The following MAPK8IP3 variants were observed in gnomAD, a reference collection of about 807,000 sequenced individuals.
MAPK8IP3 encodes the protein mitogen-activated protein kinase 8 interacting protein 3.
In MAPK8IP3, 49 loss-of-function variants were observed where a neutral mutation model predicts 157.8. That is an observed-to-expected ratio of 0.31 (90% CI 0.25 to 0.39). The LOEUF (loss-of-function observed/expected upper bound fraction) is 0.39, where lower values mean the gene tolerates loss of function less well. Among genes scored for constraint, MAPK8IP3 ranks in the 10% least tolerant of loss-of-function variants. The pLI is 1.00. For synonymous variants in MAPK8IP3, 897 were observed against 777.7 expected (o/e 1.15, Z -2.55); for missense variants, 1,478 against 1,889.4 (o/e 0.78, Z 4.04).
In MAPK8IP3 at chr16:1,766,378, C is replaced by T. The variant is rs1335514037; in HGVS notation, c.2788C>T (p.Pro930Ser). Residue 930 changes from proline (P) to serine (S), a missense_variant, in exon 22 of 32, where the codon CCG becomes TCG. Pro to Ser is a moderately conservative substitution (Grantham distance 74). This residue lies in a region of MAPK8IP3 where 669 missense variants were observed against 759.8 expected (regional missense o/e 0.88). Transcript: ENST00000610761. ...AGAGCACGTCTTCACTGACCCAGCC[C>T]CGACCCCGTCCTCTGGCCCCCAGCC... The part of the protein sequence containing the change: ...LTEHVFTDPA[P>S]TPSSGPQPGS... 2 of 1,611,662 alleles carry T rather than the reference C, an allele frequency of 1.2e-6. No homozygotes were observed. Among genetic ancestry groups the T allele is most frequent in the African/African-American group, 1.3e-5 (1 of 74,938 alleles).
chr16:1,734,113 C>T (rs1336329028), intron 4 of MAPK8IP3, among the ~76,000 whole-genome samples: 1 of 152,238 alleles, frequency 6.6e-6, no homozygotes, highest in African/African-American at 2.4e-5. Context: ...CCAGAAGGCA[C>T]CCTGCAGTGG....
At chr16:1,762,289 A>G (rs1448466687) in intron 13 of MAPK8IP3, 62 bp from the exon 14 acceptor site, 2 of 1,507,158 alleles carry the variant, frequency 1.3e-6, no homozygotes, top group African/African-American at 2.8e-5. Flanking sequence ...GCACCCCAGG[A>G]GGAAGCAGGT....
intron 5 of MAPK8IP3, chr16:1,745,289 C>T: frequency 1.7e-6 from 1 of 581,576 alleles, no homozygotes; most frequent in South Asian, 7.5e-5. Flanking sequence ...CAGCTACACC[C>T]TGCCTGGCCA....
chr16:1,735,164 CTG>C (rs56183524), intron 4 of MAPK8IP3: 12,712 of 152,446 alleles, frequency 0.083, 564 homozygotes, highest in African/African-American at 0.1. Flanking sequence ...TGTGTGGCTT[CTG>C]TCTCATCGGG....
intron 5 of MAPK8IP3, chr16:1,745,253 G>A: frequency 1.1e-6 from 1 of 888,048 alleles, no homozygotes; most frequent in Non-Finnish European, 1.3e-6. Flanking sequence ...GAGGAAGGTG[G>A]CCCAGAAGCG....
chr16:1,756,554 G>A (rs920232191), intron 8 of MAPK8IP3, among the ~76,000 whole-genome samples: 3 of 149,678 alleles, frequency 2.0e-5, no homozygotes, highest in Non-Finnish European at 3.0e-5. Context: ...AGGCCAAGGT[G>A]GGCAGATTGC....
rs555012156 is a variant in MAPK8IP3, at chr16:1,743,411, G to T, written c.682G>T (p.Val228Leu). The T allele has an allele frequency of 2.5e-6, 4 of 1,609,582 alleles. No homozygotes were observed. The highest frequency in any genetic ancestry group is 3.4e-6 in the Non-Finnish European group (4 of 1,178,424). The change falls in exon 5 of 32, where the codon GTG becomes TTG. Residue 228 changes from valine to leucine, a missense_variant. Coordinates refer to ENST00000610761, the MANE Select transcript of MAPK8IP3 (RefSeq NM_001318852.2). The surrounding 1 kb of genome is among the most constrained non-coding windows in gnomAD (Gnocchi z 5.6). ...ACGTGCACAGATCGGGGGCAAGCTC[G>T]TGCCTGCGGGGGACCACTGGCACCT... is the stretch of plus-strand genomic sequence containing the variant. ...TVRAQIGGKL[V>L]PAGDHWHLSD...
intron 1 of MAPK8IP3, among the ~76,000 whole-genome samples, chr16:1,716,317 T>C (rs2038148359): frequency 6.6e-6 from 1 of 151,128 alleles, no homozygotes. Context: ...TTTCTTTTTT[T>C]TTTTTTTTTT....
Position 1,714,322 on chromosome 16 carries a change from A to G in MAPK8IP3, c.318+7665A>G, listed in dbSNP as rs563072170. The G allele has an allele frequency of 2.1e-5, 3 of 146,266 alleles. No homozygotes were observed. The East Asian group carries it at 5.8e-4, about 28-fold the overall frequency. 9.1% of individuals were successfully genotyped at this position (146,266 alleles called of 1,614,324 possible). On this transcript the variant is annotated intron_variant, in intron 1 of 31. Transcript: ENST00000610761. The stretch of plus-strand genomic sequence containing the variant: ...AGGCTGGCAGTGAAACCCAGAGACT[A>G]GAATCCGCTTATGAGGGGGGTGCGT...
At chr16:1,752,364 CGAGCT>C (rs919737653) in intron 8 of MAPK8IP3, 4 of 247,306 alleles carry the variant, frequency 1.6e-5, no homozygotes, top group African/African-American at 9.4e-5. Context: ...TGGGCATCGC[CGAGCT>C]CAGGCTGGCA....
At chr16:1,740,275 TGTGA>T in intron 4 of MAPK8IP3, among the ~76,000 whole-genome samples, 1 of 146,364 alleles carries the variant, frequency 6.8e-6, no homozygotes, top group Non-Finnish European at 1.5e-5. Flanking sequence ...TGACCGTCCG[TGTGA>T]GTGTCCGCAT....
Position 1,768,058 on chromosome 16 carries a change from C to T in MAPK8IP3, c.3524-11C>T. Reference sequence around the variant, plus strand: ...CTCTCCTCTTCTCCCATGCTCCTCCCATGTCCCCAGCTGTGGTCCTGCACC... The same window carrying T: ...CTCTCCTCTTCTCCCATGCTCCTCCTATGTCCCCAGCTGTGGTCCTGCACC... On this transcript the variant is annotated splice_polypyrimidine_tract_variant and intron_variant, in intron 28 of 31. Coordinates refer to ENST00000610761, the MANE Select transcript of MAPK8IP3 (RefSeq NM_001318852.2). 6.2e-7 allele frequency: 1 copy of T among 1,612,434 alleles called. No individual in the cohort carries two copies.
rs1279064230 is a variant in MAPK8IP3, at chr16:1,735,957, CCCATGTGAGCATCCGTGTGACCGT to C, written c.602+6413_602+6436del. Among the ~76,000 whole-genome samples the C allele has an allele frequency of 1.5e-3, 140 of 94,916 alleles. 2 individuals are homozygous for C. Among genetic ancestry groups the C allele is most frequent in the Admixed American group, 4.7e-4 (4 of 8,438 alleles). The allele number at this position is 94,916 out of a possible 152,430, so 62.3% of individuals were successfully genotyped here. ...GTGACCGTCTGTGTGAGTGTGACCG[CCCATGTGAGCATCCGTGTGACCGT>C]CCATGTGAGCATCCGTGTGACCGTC... On this transcript the variant is annotated intron_variant, in intron 4 of 31. Coordinates refer to ENST00000610761, the MANE Select transcript of MAPK8IP3 (RefSeq NM_001318852.2).
At position 1,729,495 on chromosome 16, in the gene MAPK8IP3, G is replaced by C; in HGVS notation, c.519G>C (p.Gln173His). ...CGTTTCCCTCCTCGCAGATGATACA[G>C]ACCTACGTGGAGCACATTGAGAGGT... ...ALHQRHTEMI[Q>H]TYVEHIERSK... The change falls in exon 4 of 32, where the codon CAG (glutamine) becomes CAC (histidine). Residue 173 changes from glutamine (Q) to histidine (H), a missense_variant. Physicochemically the swap from Gln to His is conservative, Grantham distance 24. Transcript: ENST00000610761. 6.2e-7 allele frequency: 1 copy of C among 1,612,866 alleles called. No individual in the cohort carries two copies. Among genetic ancestry groups the C allele is most frequent in the South Asian group, 1.1e-5 (1 of 90,914 alleles).
At position 1,713,897 on chromosome 16, in the gene MAPK8IP3, C is replaced by T. The variant is rs560453379; in HGVS notation, c.318+7240C>T. ...TACGTATAAACACCAGAAGCCATCC[C>T]TGCAGTCCAAGCAGCGTAGACGCCC... On this transcript the variant is annotated intron_variant, in intron 1 of 31. Coordinates refer to ENST00000610761, the MANE Select transcript of MAPK8IP3 (RefSeq NM_001318852.2). The T allele has an allele frequency of 4.6e-5, 7 of 152,326 alleles. No individual in the cohort carries two copies. In the East Asian group the frequency reaches 1.4e-3, roughly 29 times the overall value. 9.4% of individuals were successfully genotyped at this position (152,326 alleles called of 1,614,324 possible). A position where few individuals can be genotyped will look rare whatever the true frequency, so the allele number is the denominator to read the frequency against.
chr16:1,760,345 G>A lies in MAPK8IP3; in HGVS notation c.1305-35G>A, dbSNP rs2294615. 8.5e-4 allele frequency: 1,347 copies of A among 1,593,792 alleles called. 26 individuals carry two copies. The East Asian group carries it at 0.023, about 27-fold the overall frequency. On this transcript the variant is annotated intron_variant, in intron 11 of 31. Transcript: ENST00000610761. ...GCCCCTTCACGTACCTGTATGCCGC[G>A]CCCGTGGCACTCCCATCTTTCTGCT...
chr16:1,736,558 G>GTGACCA (rs2039864174), intron 4 of MAPK8IP3, among the ~76,000 whole-genome samples: 1 of 66,592 alleles, frequency 1.5e-5, no homozygotes, highest in African/African-American at 7.2e-5. Context: ...GCGTGTGACT[G>GTGACCA]TCCGTGTGTG....
chr16:1,753,109 G>A (rs141924376), intron 8 of MAPK8IP3, among the ~76,000 whole-genome samples: 1 of 152,316 alleles, frequency 6.6e-6, no homozygotes, highest in Non-Finnish European at 1.5e-5. Context: ...CCAAAAGTCG[G>A]CAGGTGGAGA....
intron 9 of MAPK8IP3, among the ~76,000 whole-genome samples, chr16:1,758,485 G>A (rs2041749559): frequency 6.6e-6 from 1 of 152,208 alleles, no homozygotes; most frequent in Non-Finnish European, 1.5e-5. Context: ...CCTGCTGTCA[G>A]GCACACCCCA....
Sources: gnomAD v4.1 joint callset for allele counts (sites outside exome capture counted in the v4.1 genomes callset) on GRCh38, gnomAD v4.1.1 for gene constraint, gnomAD v4.1.1 regional missense constraint, Gnocchi (gnomAD v3.1) non-coding constraint, MANE v1.5 for transcripts, NCBI Gene and HGNC (gene_info 2026-07-23, HGNC 2026-07-21) for gene names.